NCBP3: variants seen among roughly 807,000 people sequenced by gnomAD.
NCBP3 encodes the protein nuclear cap binding subunit 3.
In NCBP3, 20 loss-of-function variants were observed where a neutral mutation model predicts 75.7. That is an observed-to-expected ratio of 0.26 (90% CI 0.19 to 0.38). The LOEUF (loss-of-function observed/expected upper bound fraction) is 0.38, where lower values mean the gene tolerates loss of function less well. Ranked by LOEUF, NCBP3 falls within the 10% of genes least tolerant of loss-of-function variation. The pLI, the probability that NCBP3 is intolerant of heterozygous loss-of-function variation, is 1.00. For synonymous variants in NCBP3, 293 were observed against 290.5 expected (o/e 1.01, Z -0.09); for missense variants, 678 against 796.9 (o/e 0.85, Z 1.80).
At position 3,846,059 on chromosome 17, in the gene NCBP3, C is replaced by A; in HGVS notation, c.165G>T (p.Ser55=). The change falls in exon 1 of 13, where the codon TCG becomes TCT. Residue 55 remains serine (S), a synonymous_variant. Transcript: ENST00000389005. The surrounding 1 kb of genome is among the most constrained non-coding windows in gnomAD (Gnocchi z 4.6). The part of the protein sequence containing the change: ...GELEIVPVRR[S]LKELIPDTSR... ...CCCGTACCGGGATCAGTTCCTTGAGCGAGCGCCGCACAGGCACGATTTCCA... is the reference window on the plus strand; with the variant it reads ...CCCGTACCGGGATCAGTTCCTTGAGAGAGCGCCGCACAGGCACGATTTCCA... The A allele has an allele frequency of 6.5e-7, 1 of 1,548,718 alleles. No individual in the cohort carries two copies. Among genetic ancestry groups the A allele is most frequent in the Non-Finnish European group, 8.7e-7 (1 of 1,145,708 alleles).
intron 4 of NCBP3, among the ~76,000 whole-genome samples, chr17:3,826,918 C>CAGG (rs1555532740): frequency 6.7e-6 from 1 of 148,344 alleles, no homozygotes; most frequent in Admixed American, 6.8e-5. Context: ...GAGGCTGAGG[C>CAGG]AGAATGGCGT....
At chr17:3,824,902 T>C in intron 7 of NCBP3, 40 bp downstream of exon 7, 1 of 1,167,742 alleles carries the variant, frequency 8.6e-7, no homozygotes, top group Non-Finnish European at 1.2e-6. Context: ...ATAAATCATT[T>C]TGATTGAAAA....
In NCBP3 at chr17:3,805,899, T is replaced by C. The variant is rs1162888519; in HGVS notation, c.*7145A>G. Reference sequence around the variant, plus strand: ...TGCTCAGTCTTTCCAATTGAGTATGTGGGGCAGAAGGAGTCCCCAGAGCCC... The same window carrying C: ...TGCTCAGTCTTTCCAATTGAGTATGCGGGGCAGAAGGAGTCCCCAGAGCCC... On this transcript the variant is annotated 3_prime_UTR_variant, in exon 13 of 13. Transcript: ENST00000389005. 6.6e-6 allele frequency: 1 copy of C among 152,168 alleles called. No individual in the cohort carries two copies. Among genetic ancestry groups the C allele is most frequent in the Non-Finnish European group, 1.5e-5 (1 of 68,056 alleles). The allele number at this position is 152,168 out of a possible 1,614,324, so 9.4% of individuals were successfully genotyped here.
chr17:3,830,447 T>C (rs1167587308), intron 3 of NCBP3, among the ~76,000 whole-genome samples: 2 of 152,114 alleles, frequency 1.3e-5, no homozygotes, highest in Non-Finnish European at 2.9e-5. Context: ...AACAATACCA[T>C]ACATTTACTA....
chr17:3,844,382 G>A (rs1343097168), intron 1 of NCBP3, among the ~76,000 whole-genome samples: 1 of 152,032 alleles, frequency 6.6e-6, no homozygotes, highest in Non-Finnish European at 1.5e-5. Context: ...AACAATCCTG[G>A]ACCCATCCCA....
chr17:3,824,770 G>A (rs927478848), intron 7 of NCBP3, 172 bp downstream of exon 7: 3 of 388,732 alleles, frequency 7.7e-6, no homozygotes, highest in Non-Finnish European at 1.4e-5. Context: ...CACTTTTAAA[G>A]TCAGAAATTC....
rs2891 is a variant in NCBP3, at chr17:3,802,232, C to A, written c.*10812G>T. ...CAGGACATTCCAAGGCTCTCTAACA[C>A]GAGTGTCTGCAGCCCCATTCGCTTT... On this transcript the variant is annotated 3_prime_UTR_variant, in exon 13 of 13. Coordinates refer to ENST00000389005, the MANE Select transcript of NCBP3 (RefSeq NM_001114118.3). The A allele has an allele frequency of 6.6e-6, 1 of 151,946 alleles. No individual in the cohort carries two copies. Among genetic ancestry groups the A allele is most frequent in the Non-Finnish European group, 1.5e-5 (1 of 67,974 alleles). The allele number at this position is 151,946 out of a possible 1,614,324, so 9.4% of individuals were successfully genotyped here.
chr17:3,810,313 G>A lies in NCBP3; in HGVS notation c.*2731C>T, dbSNP rs542485110. ...GGGGTTCACAGGATCAGACTACAAG[G>A]GGGCCAGAGGAGGAGACTACATCCT... On this transcript the variant is annotated 3_prime_UTR_variant, in exon 13 of 13. Transcript: ENST00000389005. 1 of 152,350 alleles carries A rather than the reference G, an allele frequency of 6.6e-6. No individual in the cohort carries two copies. The highest frequency in any genetic ancestry group is 1.9e-4 in the East Asian group (1 of 5,194). 9.4% of individuals were successfully genotyped at this position (152,350 alleles called of 1,614,324 possible). A position where few individuals can be genotyped will look rare whatever the true frequency, so the allele number is the denominator to read the frequency against.
At chr17:3,833,437 G>T (rs2053919372) in intron 3 of NCBP3, among the ~76,000 whole-genome samples, 1 of 151,852 alleles carries the variant, frequency 6.6e-6, no homozygotes, top group African/African-American at 2.4e-5. Flanking sequence ...TTTGTTCTTT[G>T]TATCTTTACC....
At chr17:3,835,065 C>T (rs1016376803) in intron 3 of NCBP3, among the ~76,000 whole-genome samples, 6 of 152,116 alleles carry the variant, frequency 3.9e-5, no homozygotes, top group Non-Finnish European at 8.8e-5. Flanking sequence ...GAAACAGAAG[C>T]CACGTGTACA....
In NCBP3 at chr17:3,806,747, A is replaced by T. The variant is rs2053340943; in HGVS notation, c.*6297T>A. ...AAAAAAAAAAAAAAAAAGCTACAAT[A>T]TTTTTCTTCTAAGATTTATTTTATA... is the stretch of plus-strand genomic sequence containing the variant. On this transcript the variant is annotated 3_prime_UTR_variant, in exon 13 of 13. Coordinates refer to ENST00000389005, the MANE Select transcript of NCBP3 (RefSeq NM_001114118.3). The T allele has an allele frequency of 6.7e-6, 1 of 149,712 alleles. No individual in the cohort carries two copies. Among genetic ancestry groups the T allele is most frequent in the African/African-American group, 2.5e-5 (1 of 40,560 alleles). The allele number at this position is 149,712 out of a possible 1,614,324, so 9.3% of individuals were successfully genotyped here. A position where few individuals can be genotyped will look rare whatever the true frequency, so the allele number is the denominator to read the frequency against.
chr17:3,819,039 A>G (rs1313154796), intron 9 of NCBP3, among the ~76,000 whole-genome samples: 2 of 152,136 alleles, frequency 1.3e-5, no homozygotes, highest in East Asian at 3.9e-4. Flanking sequence ...ACCGAGTGGC[A>G]CATTTTTCAC....
rs1301782686 is a variant in NCBP3, at chr17:3,810,564, C to T, written c.*2480G>A. 1 of 152,266 alleles carries T rather than the reference C, an allele frequency of 6.6e-6. No homozygotes were observed. The highest frequency in any genetic ancestry group is 1.9e-4 in the East Asian group (1 of 5,202). 9.4% of individuals were successfully genotyped at this position (152,266 alleles called of 1,614,324 possible). ...CCTGCCACGGGCCTGTCCTGACTAT[C>T]CATTCTTACTCTTAAACTCCAAAGA... On this transcript the variant is annotated 3_prime_UTR_variant, in exon 13 of 13. Transcript: ENST00000389005.
At chr17:3,841,825 T>C (rs1267957255) in intron 2 of NCBP3, among the ~76,000 whole-genome samples, 63 of 101,648 alleles carry the variant, frequency 6.2e-4, no homozygotes, top group African/African-American at 1.9e-3. Flanking sequence ...AGAGTGAGAC[T>C]CTGTCTCAAA....
rs2053307128 is a variant in NCBP3 at position 3,803,897 on chromosome 17, A to C, written c.*9147T>G. On this transcript the variant is annotated 3_prime_UTR_variant, in exon 13 of 13. Coordinates refer to ENST00000389005, the MANE Select transcript of NCBP3 (RefSeq NM_001114118.3). ...GAGACCATCCTGGCTAACACGGTGA[A>C]ACCCGGTCTCTACTAAAAATACAAA... The C allele has an allele frequency of 6.6e-6, 1 of 151,848 alleles. No homozygotes were observed. 9.4% of individuals were successfully genotyped at this position (151,848 alleles called of 1,614,324 possible).
Position 3,822,000 on chromosome 17 carries a change from A to G in NCBP3, c.849T>C (p.Tyr283=), listed in dbSNP as rs1274672722. 1.2e-6 allele frequency: 2 copies of G among 1,613,622 alleles called. No individual in the cohort carries two copies. The highest frequency in any genetic ancestry group is 8.5e-7 in the Non-Finnish European group (1 of 1,179,788). ...AARRSQYYMK[Y]GNPNYGGMKG... ...TCATGCCTCCATAATTTGGATTCCC[A>G]TATTTCATGTAATACTGACTTCTTC... Residue 283 remains tyrosine, a synonymous_variant, in exon 8 of 13, where the codon TAT becomes TAC. Transcript: ENST00000389005.
In NCBP3 at chr17:3,840,199, T is replaced by C. The variant is rs1443472375; in HGVS notation, c.256A>G (p.Ile86Val). Residue 86 changes from isoleucine (I) to valine (V), a missense_variant, in exon 3 of 13, where the codon ATT (isoleucine) becomes GTT (valine). Around this residue, in one of 7 missense-constraint regions of NCBP3, gnomAD observed 46 missense variants for 82.8 expected, o/e 0.56. Transcript: ENST00000389005. The stretch of plus-strand genomic sequence containing the variant: ...TTGGCTCGCTGCTCTTTCTTTTCAA[T>C]TGCTTCCTAGAAAGTACAGAAAAAG... ...TGIDVTSKEA[I>V]EKKEQRAKRF... The C allele has an allele frequency of 6.4e-7, 1 of 1,551,554 alleles. No individual in the cohort carries two copies. Among genetic ancestry groups the C allele is most frequent in the Admixed American group, 2.0e-5 (1 of 50,982 alleles).
intron 10 of NCBP3, among the ~76,000 whole-genome samples, chr17:3,817,846 AAAT>A (rs149640148): frequency 0.029 from 4,476 of 152,318 alleles, 102 homozygotes; most frequent in African/African-American, 0.064. Context: ...CAGTTGAAAA[AAAT>A]AATGTCTACA....
rs2053364457 is a variant in NCBP3 at position 3,808,809 on chromosome 17, A to G, written c.*4235T>C. The G allele has an allele frequency of 6.6e-6, 1 of 152,130 alleles. No individual in the cohort carries two copies. 9.4% of individuals were successfully genotyped at this position (152,130 alleles called of 1,614,324 possible). On this transcript the variant is annotated 3_prime_UTR_variant, in exon 13 of 13. Coordinates refer to ENST00000389005, the MANE Select transcript of NCBP3 (RefSeq NM_001114118.3). ...CAGTGGCTTGATCATAGCTCACCAC[A>G]GCCTTGAATTACTGGGCTCATGCGA...
Sources: gnomAD v4.1 joint callset for allele counts (sites outside exome capture counted in the v4.1 genomes callset) on GRCh38, gnomAD v4.1.1 for gene constraint, gnomAD v4.1.1 regional missense constraint, Gnocchi (gnomAD v3.1) non-coding constraint, MANE v1.5 for transcripts, NCBI Gene and HGNC (gene_info 2026-07-23, HGNC 2026-07-21) for gene names.